The following ATP2B4 variants were observed in gnomAD, a reference collection of about 807,000 sequenced individuals.
ATP2B4 encodes the protein plasma membrane calcium-transporting ATPase 4.
A neutral mutation model predicts 110.3 loss-of-function variants in ATP2B4; 39 were observed. The observed-to-expected ratio is 0.35, with a 90% CI of 0.27 to 0.46. The LOEUF (loss-of-function observed/expected upper bound fraction) is 0.46, where lower values mean the gene tolerates loss of function less well. ATP2B4 is among the 20% of genes least tolerant of loss of function. The pLI is 1.00. For missense variants in ATP2B4, 1,135 were observed against 1,530.9 expected (o/e 0.74, Z 4.32); for synonymous variants, 538 against 571.7 (o/e 0.94, Z 0.84).
chr1:203,671,537 AGGCAGAG>A (rs1014695931), intron 1 of ATP2B4, among the ~76,000 whole-genome samples: 2 of 152,134 alleles, frequency 1.3e-5, no homozygotes, highest in Non-Finnish European at 2.9e-5. Context: ...GAGGGAGTCA[AGGCAGAG>A]GGCCATAGTA....
At chr1:203,673,139 A>G (rs1462354783) in intron 1 of ATP2B4, among the ~76,000 whole-genome samples, 4 of 152,102 alleles carry the variant, frequency 2.6e-5, no homozygotes, top group African/African-American at 7.2e-5. Context: ...ACCTCGCAAC[A>G]TTTTCAAAGT....
At chr1:203,726,484 G>C (rs1034586973) in intron 19 of ATP2B4, among the ~76,000 whole-genome samples, 1 of 151,032 alleles carries the variant, frequency 6.6e-6, no homozygotes, top group African/African-American at 2.4e-5. Flanking sequence ...GTAAAGCTTG[G>C]TTGTTAAACC....
chr1:203,658,899 G>A (rs1044567037), intron 1 of ATP2B4, among the ~76,000 whole-genome samples: 29 of 152,150 alleles, frequency 1.9e-4, no homozygotes, highest in Non-Finnish European at 3.1e-4. Context: ...AGCTACTGAG[G>A]AGGCTGAGGC....
chr1:203,739,949 A>G lies in ATP2B4; in HGVS notation c.*95A>G. 1 of 1,320,538 alleles carries G rather than the reference A, an allele frequency of 7.6e-7. No individual in the cohort carries two copies. Among genetic ancestry groups the G allele is most frequent in the Non-Finnish European group, 1.0e-6 (1 of 968,416 alleles). The allele number at this position is 1,320,538 out of a possible 1,614,324, so 81.8% of individuals were successfully genotyped here. Reference sequence around the variant, plus strand: ...TGATGGGACTTTTCATTGTCACGTCAGCTGCTGTGTTAACAGCAGTGTGTG... The same window carrying G: ...TGATGGGACTTTTCATTGTCACGTCGGCTGCTGTGTTAACAGCAGTGTGTG... On this transcript the variant is annotated 3_prime_UTR_variant, in exon 21 of 21. Coordinates refer to ENST00000357681, the MANE Select transcript of ATP2B4 (RefSeq NM_001684.5).
chr1:203,705,117 A>C (rs1665813684), intron 8 of ATP2B4, among the ~76,000 whole-genome samples: 1 of 152,252 alleles, frequency 6.6e-6, no homozygotes, highest in Admixed American at 6.5e-5. Context: ...GGTAAATTTT[A>C]GTTGGTCACG....
chr1:203,735,355 G>A (rs897106969), intron 20 of ATP2B4, among the ~76,000 whole-genome samples: 2 of 152,122 alleles, frequency 1.3e-5, no homozygotes, highest in African/African-American at 4.8e-5. Flanking sequence ...TCCCCAAATG[G>A]GACTCAGAGA....
intron 12 of ATP2B4, among the ~76,000 whole-genome samples, chr1:203,711,731 C>T (rs1171586811): frequency 2.6e-5 from 4 of 152,180 alleles, no homozygotes; most frequent in African/African-American, 9.7e-5. Flanking sequence ...AAGCAAATTT[C>T]CCCTTCAACT....
At chr1:203,725,952 G>T (rs547760284) in intron 19 of ATP2B4, among the ~76,000 whole-genome samples, 1 of 134,328 alleles carries the variant, frequency 7.4e-6, no homozygotes, top group African/African-American at 2.8e-5. Flanking sequence ...CAGGCCAGGC[G>T]CAGTGGCTCA....
intron 8 of ATP2B4, among the ~76,000 whole-genome samples, chr1:203,704,980 G>A (rs149157286): frequency 1.2e-4 from 18 of 152,242 alleles, no homozygotes; most frequent in East Asian, 5.8e-4. Flanking sequence ...TGCCAGCACC[G>A]CTGATTCAGT....
At chr1:203,634,960 G>A (rs910336183) in intron 1 of ATP2B4, among the ~76,000 whole-genome samples, 2 of 151,672 alleles carry the variant, frequency 1.3e-5, no homozygotes, top group Admixed American at 1.3e-4. Context: ...CACCGCACCC[G>A]GCCCCATTTA....
At chr1:203,706,871 G>A (rs1390780115) in intron 8 of ATP2B4, 138 bp from the exon 9 acceptor site, 1 of 688,458 alleles carries the variant, frequency 1.5e-6, no homozygotes, top group Non-Finnish European at 2.5e-6. Flanking sequence ...GAGAATGGGG[G>A]GGATTTTAGT....
At chr1:203,720,071 A>T (rs1444075660) in intron 15 of ATP2B4, among the ~76,000 whole-genome samples, 3 of 151,736 alleles carry the variant, frequency 2.0e-5, no homozygotes, top group Admixed American at 6.6e-5. Context: ...CTTGTCTCAA[A>T]TTTTTTTTTA....
chr1:203,734,575 G>A (rs1666827820), intron 20 of ATP2B4, among the ~76,000 whole-genome samples: 1 of 151,730 alleles, frequency 6.6e-6, no homozygotes. Context: ...GCAATATGGT[G>A]CGTGCCTGTA....
At chr1:203,724,867 G>GTTTT (rs1031319768) in intron 19 of ATP2B4, among the ~76,000 whole-genome samples, 22 of 78,404 alleles carry the variant, frequency 2.8e-4, no homozygotes, top group Non-Finnish European at 3.9e-4. Context: ...CCAGCTCTCT[G>GTTTT]TTTTTTTTTT....
intron 1 of ATP2B4, among the ~76,000 whole-genome samples, chr1:203,639,145 C>T (rs1431166354): frequency 6.6e-6 from 1 of 152,174 alleles, no homozygotes; most frequent in Non-Finnish European, 1.5e-5. Flanking sequence ...CTATTAACTC[C>T]ATCCTTCCTT....
At chr1:203,724,873 T>C (rs1011336402) in intron 19 of ATP2B4, among the ~76,000 whole-genome samples, 2 of 140,690 alleles carry the variant, frequency 1.4e-5, no homozygotes, top group South Asian at 2.5e-4. Flanking sequence ...CTCTGTTTTT[T>C]TTTTTTTTTT....
intron 1 of ATP2B4, among the ~76,000 whole-genome samples, chr1:203,630,668 C>T (rs912725291): frequency 6.6e-6 from 1 of 152,212 alleles, no homozygotes; most frequent in Non-Finnish European, 1.5e-5. Flanking sequence ...ATTCTTCCCC[C>T]GAAGGGCGCC....
At chr1:203,669,110 G>A (rs1042405639) in intron 1 of ATP2B4, among the ~76,000 whole-genome samples, 3 of 152,132 alleles carry the variant, frequency 2.0e-5, no homozygotes, top group Admixed American at 6.5e-5. Context: ...ATTCTTCCAG[G>A]TTTTGCCTTG....
At chr1:203,711,647 G>A (rs982152798) in intron 12 of ATP2B4, among the ~76,000 whole-genome samples, 6 of 152,162 alleles carry the variant, frequency 3.9e-5, no homozygotes, top group South Asian at 2.1e-4. Flanking sequence ...TGGCCAAATC[G>A]CAAAATGCCA....
Sources: allele counts gnomAD v4.1 joint callset (sites outside exome capture counted in the v4.1 genomes callset), GRCh38; gene constraint gnomAD v4.1.1; transcripts MANE v1.5; gene names NCBI Gene and HGNC (gene_info 2026-07-23, HGNC 2026-07-21).